Variants in ZBTB20 observed in about 807,000 individuals in gnomAD.
ZBTB20 encodes zinc finger and BTB domain-containing protein 20.
In ZBTB20, 9 loss-of-function variants were observed where a neutral mutation model predicts 56.9. The observed-to-expected ratio is 0.16, with a 90% CI of 0.10 to 0.28. The LOEUF is 0.28. ZBTB20 is among the 10% of genes least tolerant of loss of function. ZBTB20 has a pLI of 1.00. For synonymous variants in ZBTB20, 417 were observed against 420.7 expected, an observed-to-expected ratio of 0.99 and a Z score of 0.11; for missense variants, 655 against 1,003.0, an observed-to-expected ratio of 0.65 and a Z score of 4.69.
chr3:114,855,151 C>T (rs1169471759), intron 4 of ZBTB20, among the ~76,000 whole-genome samples: 2 of 152,198 alleles, frequency 1.3e-5, no homozygotes, highest in African/African-American at 4.8e-5. Context: ...TCTCATAGAA[C>T]TTATCCACTC....
chr3:114,880,139 A>G (rs1198078244), intron 4 of ZBTB20, among the ~76,000 whole-genome samples: 3 of 152,192 alleles, frequency 2.0e-5, no homozygotes, highest in Non-Finnish European at 4.4e-5. Flanking sequence ...GTGTGCAATG[A>G]TTAGTATGAG....
At chr3:115,003,418 T>G (rs1318894714) in intron 2 of ZBTB20, among the ~76,000 whole-genome samples, 1 of 145,902 alleles carries the variant, frequency 6.9e-6, no homozygotes, top group Non-Finnish European at 1.5e-5. Context: ...AGGTTTTTTT[T>G]TTGTTTGTTT....
intron 4 of ZBTB20, among the ~76,000 whole-genome samples, chr3:114,887,711 G>A (rs912987074): frequency 2.6e-5 from 4 of 152,166 alleles, no homozygotes; most frequent in African/African-American, 7.2e-5. Flanking sequence ...CTCCAGAACT[G>A]TGAGAGAATA....
intron 2 of ZBTB20, among the ~76,000 whole-genome samples, chr3:115,001,372 C>G (rs1376047443): frequency 6.6e-6 from 1 of 151,384 alleles, no homozygotes; most frequent in Non-Finnish European, 1.5e-5. Flanking sequence ...ATTTAATACA[C>G]ATTCCAGAAT....
At chr3:114,459,072 T>C (rs1443967835) in intron 7 of ZBTB20, among the ~76,000 whole-genome samples, 1 of 152,216 alleles carries the variant, frequency 6.6e-6, no homozygotes, top group Non-Finnish European at 1.5e-5. Context: ...TTATTTATTA[T>C]GCAGGAAGGT....
rs979519261 is a variant in ZBTB20, at chr3:114,329,776, C to T, written c.*9229G>A. The T allele has an allele frequency of 1.3e-5, 2 of 148,496 alleles. No individual in the cohort carries two copies. Among genetic ancestry groups the T allele is most frequent in the East Asian group, 2.0e-4 (1 of 5,046 alleles). The allele number at this position is 148,496 out of a possible 1,614,324, so 9.2% of individuals were successfully genotyped here. A position where few individuals can be genotyped will look rare whatever the true frequency, so the allele number is the denominator to read the frequency against. ...AATGAACACTATATTGCCAAGCTGC[C>T]TCCAGGGAAAGGTTGAAGACTAGTT... On this transcript the variant is annotated 3_prime_UTR_variant, in exon 12 of 12. Transcript: ENST00000675478.
intron 8 of ZBTB20, among the ~76,000 whole-genome samples, chr3:114,384,475 A>T (rs2084841251): frequency 6.6e-6 from 1 of 152,024 alleles, no homozygotes; most frequent in South Asian, 2.1e-4. Context: ...AAAAGAAAAA[A>T]AAAAAAGGCA....
At position 114,327,129 on chromosome 3, in the gene ZBTB20, G is replaced by A. The variant is rs2079090848; in HGVS notation, c.*11876C>T. On this transcript the variant is annotated 3_prime_UTR_variant, in exon 12 of 12. Transcript: ENST00000675478. ...CAGGTGTCAGCTTGGAAAGACAGGA[G>A]GCTCATAAGCAATAATAAATTCACA... The A allele has an allele frequency of 6.6e-6, 1 of 152,158 alleles. No homozygotes were observed. Among genetic ancestry groups the A allele is most frequent in the African/African-American group, 2.4e-5 (1 of 41,420 alleles). The allele number at this position is 152,158 out of a possible 1,614,324, so 9.4% of individuals were successfully genotyped here.
chr3:114,646,782 A>T (rs6803984), intron 6 of ZBTB20, among the ~76,000 whole-genome samples: 4,739 of 152,238 alleles, frequency 0.031, 254 homozygotes, highest in African/African-American at 0.11. Flanking sequence ...TTCCTAAGGG[A>T]ACTGGCAAAC....
intron 5 of ZBTB20, among the ~76,000 whole-genome samples, chr3:114,794,062 C>G (rs1279999793): frequency 1.3e-5 from 2 of 151,748 alleles, no homozygotes; most frequent in Non-Finnish European, 2.9e-5. Context: ...GGAGATAGCA[C>G]AGAGTTTGAA....
At chr3:114,505,941 A>C (rs751986310) in intron 6 of ZBTB20, among the ~76,000 whole-genome samples, 2 of 152,084 alleles carry the variant, frequency 1.3e-5, no homozygotes, top group Non-Finnish European at 2.9e-5. Flanking sequence ...GGAGTTTTTA[A>C]TTCTCTATTT....
At chr3:115,018,677 A>G (rs2080079329) in intron 2 of ZBTB20, among the ~76,000 whole-genome samples, 3 of 151,440 alleles carry the variant, frequency 2.0e-5, no homozygotes, top group Non-Finnish European at 4.4e-5. Flanking sequence ...CTCACCTTAA[A>G]AGACTTGGAA....
At chr3:114,423,038 C>A (rs2089327182) in intron 7 of ZBTB20, among the ~76,000 whole-genome samples, 1 of 152,090 alleles carries the variant, frequency 6.6e-6, no homozygotes, top group Admixed American at 6.6e-5. Flanking sequence ...CCAGGCAAGC[C>A]CTTTTCTCCC....
At chr3:114,840,078 A>T (rs1305062200) in intron 4 of ZBTB20, among the ~76,000 whole-genome samples, 2 of 152,334 alleles carry the variant, frequency 1.3e-5, no homozygotes, top group African/African-American at 2.4e-5. Flanking sequence ...AGTAAAAAAA[A>T]ACATTTTGAG....
intron 8 of ZBTB20, among the ~76,000 whole-genome samples, chr3:114,382,441 T>G (rs2084487809): frequency 6.6e-6 from 1 of 152,232 alleles, no homozygotes; most frequent in Non-Finnish European, 1.5e-5. Flanking sequence ...TTGAATATCC[T>G]CCAGAACATC....
intron 6 of ZBTB20, among the ~76,000 whole-genome samples, chr3:114,535,363 C>T (rs1358325297): frequency 6.6e-6 from 1 of 152,154 alleles, no homozygotes; most frequent in Non-Finnish European, 1.5e-5. Context: ...CTATAAACAC[C>T]TCTATGCAAA....
chr3:115,023,146 T>C (rs985257907), intron 2 of ZBTB20, among the ~76,000 whole-genome samples: 1 of 150,974 alleles, frequency 6.6e-6, no homozygotes, highest in East Asian at 2.0e-4. Context: ...GACAGTTAAA[T>C]TGTGCCTAGA....
intron 5 of ZBTB20, among the ~76,000 whole-genome samples, chr3:114,713,016 T>C (rs1010783572): frequency 2.0e-5 from 3 of 152,202 alleles, no homozygotes; most frequent in Non-Finnish European, 4.4e-5. Flanking sequence ...TAGGTACATG[T>C]AGAATATATG....
chr3:114,924,735 A>C (rs2076087659), intron 3 of ZBTB20, among the ~76,000 whole-genome samples: 2 of 152,152 alleles, frequency 1.3e-5, no homozygotes, highest in South Asian at 2.1e-4. Context: ...CACTATATAC[A>C]ATCTTTGTCA....
Sources: gnomAD v4.1 joint callset for allele counts (sites outside exome capture counted in the v4.1 genomes callset) on GRCh38, gnomAD v4.1.1 for gene constraint, MANE v1.5 for transcripts, NCBI Gene and HGNC (gene_info 2026-07-23, HGNC 2026-07-21) for gene names.